Variants in ZBTB8OS observed in about 807,000 individuals in gnomAD.
The protein encoded by ZBTB8OS is tRNA-splicing ligase-activating factor archease.
ZBTB8OS carries 16 observed loss-of-function variants against 29.3 expected under a neutral mutation model. The ratio of observed to expected loss-of-function variants is 0.55; its 90% confidence interval spans 0.37 to 0.83. The LOEUF (loss-of-function observed/expected upper bound fraction) is 0.83, where lower values mean the gene tolerates loss of function less well. ZBTB8OS is among the 40% of genes least tolerant of loss of function. The pLI is 0.00. For synonymous variants in ZBTB8OS, 70 were observed against 64.6 expected, an observed-to-expected ratio of 1.08 and a Z score of -0.40; for missense variants, 160 against 196.9, an observed-to-expected ratio of 0.81 and a Z score of 1.12.
intron 1 of ZBTB8OS, among the ~76,000 whole-genome samples, chr1:32,646,274 G>A (rs189545390): frequency 1.2e-3 from 189 of 151,498 alleles, no homozygotes; most frequent in African/African-American, 4.4e-3. Flanking sequence ...AGTCAAAGTC[G>A]CACCACTGCA....
intron 1 of ZBTB8OS, among the ~76,000 whole-genome samples, chr1:32,640,994 G>A (rs1319177194): frequency 3.9e-4 from 7 of 17,730 alleles, no homozygotes; most frequent in Non-Finnish European, 9.0e-4. Context: ...GTGAAACCCT[G>A]TCTCTACTAA....
At chr1:32,640,527 T>G (rs1288602765) in intron 1 of ZBTB8OS, among the ~76,000 whole-genome samples, 6 of 152,188 alleles carry the variant, frequency 3.9e-5, no homozygotes, top group Non-Finnish European at 5.9e-5. Flanking sequence ...TTTTGTTTTC[T>G]TTTTTGAGAC....
rs998038742 is a variant in ZBTB8OS at position 32,621,204 on chromosome 1, T to C, written c.*658A>G. 6.6e-6 allele frequency: 1 copy of C among 152,148 alleles called. No homozygotes were observed. Among genetic ancestry groups the C allele is most frequent in the Admixed American group, 6.6e-5 (1 of 15,260 alleles). The allele number at this position is 152,148 out of a possible 1,614,324, so 9.4% of individuals were successfully genotyped here. On this transcript the variant is annotated 3_prime_UTR_variant, in exon 7 of 7. Coordinates refer to ENST00000468695, the MANE Select transcript of ZBTB8OS (RefSeq NM_178547.5). ...TCACAAGGTCAGGAGATCAAGACCATCCTAGCTAACACAGTGAAACCCCGT... is the reference window on the plus strand; with the variant it reads ...TCACAAGGTCAGGAGATCAAGACCACCCTAGCTAACACAGTGAAACCCCGT...
At chr1:32,634,890 C>CT in intron 1 of ZBTB8OS, 98 bp from the exon 2 acceptor site, 2 of 874,116 alleles carry the variant, frequency 2.3e-6, no homozygotes, top group Non-Finnish European at 3.9e-6. Context: ...GGAATATCAT[C>CT]TTTAAAGAGC....
In ZBTB8OS at chr1:32,621,726, C is replaced by T; in HGVS notation, c.*136G>A. ...TGATTTTCCCTTTCTGAAAGTCACA[C>T]TTTAACTAAAATATTTCTGTTCTAC... On this transcript the variant is annotated 3_prime_UTR_variant, in exon 7 of 7. Coordinates refer to ENST00000468695, the MANE Select transcript of ZBTB8OS (RefSeq NM_178547.5). The T allele has an allele frequency of 1.5e-6, 1 of 680,880 alleles. No homozygotes were observed. Among genetic ancestry groups the T allele is most frequent in the South Asian group, 1.8e-5 (1 of 55,716 alleles). 42.2% of individuals were successfully genotyped at this position (680,880 alleles called of 1,614,324 possible). A position where few individuals can be genotyped will look rare whatever the true frequency, so the allele number is the denominator to read the frequency against.
At chr1:32,638,566 C>A (rs980738306) in intron 1 of ZBTB8OS, among the ~76,000 whole-genome samples, 1 of 152,016 alleles carries the variant, frequency 6.6e-6, no homozygotes, top group Non-Finnish European at 1.5e-5. Context: ...CTGTCAATGA[C>A]CATACTGCAA....
upstream of ZBTB8OS, chr1:32,650,615 T>G (rs770443458): frequency 6.2e-7 from 1 of 1,610,614 alleles, no homozygotes; most frequent in African/African-American, 1.3e-5. Context: ...ACTCCGCCCC[T>G]TGGCGCACAC....
Position 32,621,621 on chromosome 1 carries a change from A to G in ZBTB8OS, c.*241T>C, listed in dbSNP as rs1644761787. On this transcript the variant is annotated 3_prime_UTR_variant, in exon 7 of 7. Transcript: ENST00000468695. ...ACCTACTGCCACAGCAGAGAATCAA[A>G]GGACCATAACTGTCCCTTGGGGGGT... is the stretch of plus-strand genomic sequence containing the variant. The G allele has an allele frequency of 2.2e-6, 1 of 450,592 alleles. No individual in the cohort carries two copies. The highest frequency in any genetic ancestry group is 3.9e-6 in the Non-Finnish European group (1 of 256,720). The allele number at this position is 450,592 out of a possible 1,614,324, so 27.9% of individuals were successfully genotyped here.
intron 6 of ZBTB8OS, among the ~76,000 whole-genome samples, chr1:32,623,860 C>T (rs1644911547): frequency 6.6e-6 from 1 of 152,148 alleles, no homozygotes. Context: ...GGCTGTGTCC[C>T]CACCCAAATC....
intron 1 of ZBTB8OS, among the ~76,000 whole-genome samples, chr1:32,641,274 T>G (rs999831764): frequency 6.9e-6 from 1 of 145,018 alleles, no homozygotes; most frequent in Non-Finnish European, 1.5e-5. Flanking sequence ...AGTTTTTTTT[T>G]TTTTTTTTTT....
chr1:32,650,589 A>G (rs367883262), upstream of ZBTB8OS: 18 of 1,613,238 alleles, frequency 1.1e-5, no homozygotes, highest in Non-Finnish European at 1.4e-5. Context: ...GCCCGGAGTT[A>G]CTACTTCCGC....
Position 32,621,962 on chromosome 1 carries a change from T to C in ZBTB8OS, c.418-14A>G. 1.4e-6 allele frequency: 2 copies of C among 1,465,394 alleles called. No homozygotes were observed. The highest frequency in any genetic ancestry group is 1.8e-6 in the Non-Finnish European group (2 of 1,102,692). The allele number at this position is 1,465,394 out of a possible 1,614,324, so 90.8% of individuals were successfully genotyped here. On this transcript the variant is annotated splice_polypyrimidine_tract_variant and intron_variant, in intron 6 of 6. Coordinates refer to ENST00000468695, the MANE Select transcript of ZBTB8OS (RefSeq NM_178547.5). ...GACTTCTGTTCCCTAAAGTTGGGGT[T>C]AGAGAAAAAAAAAAAAAAAAGGAAA... is the stretch of plus-strand genomic sequence containing the variant.
chr1:32,648,757 C>A (rs1433635772), intron 1 of ZBTB8OS, among the ~76,000 whole-genome samples: 1 of 150,910 alleles, frequency 6.6e-6, no homozygotes, highest in African/African-American at 2.4e-5. Context: ...CTCCCAGGTT[C>A]AAGCGATTCT....
chr1:32,647,747 C>G (rs1646966374), intron 1 of ZBTB8OS, among the ~76,000 whole-genome samples: 1 of 152,124 alleles, frequency 6.6e-6, no homozygotes, highest in South Asian at 2.1e-4. Context: ...CCAGATGGGA[C>G]CATCTAGTTA....
At chr1:32,650,590 C>T (rs766764054), upstream of ZBTB8OS, 1 of 1,613,656 alleles carries the variant, frequency 6.2e-7, no homozygotes, top group Non-Finnish European at 8.5e-7. Context: ...CCCGGAGTTA[C>T]TACTTCCGCT....
intron 5 of ZBTB8OS, chr1:32,627,937 C>T (rs904955762): frequency 5.8e-6 from 1 of 172,962 alleles, no homozygotes; most frequent in Non-Finnish European, 1.2e-5. Context: ...CCCAGCCACT[C>T]ACGAGGAGGA....
At chr1:32,632,376 TA>T (rs972792705) in intron 4 of ZBTB8OS, 3 of 152,186 alleles carry the variant, frequency 2.0e-5, no homozygotes, top group African/African-American at 4.8e-5. Flanking sequence ...AAATGTTAGC[TA>T]AAATAGGACA....
intron 1 of ZBTB8OS, 72 bp downstream of exon 1, chr1:32,650,361 A>C: frequency 6.3e-7 from 1 of 1,590,206 alleles, no homozygotes; most frequent in African/African-American, 1.3e-5. Context: ...AAAGAGCAGC[A>C]GGAAGCCGCG....
Position 32,633,743 on chromosome 1 carries a change from T to A in ZBTB8OS, c.245-16A>T. On this transcript the variant is annotated splice_polypyrimidine_tract_variant and intron_variant, in intron 3 of 6. Transcript: ENST00000468695. ...AAGTCATCTCCTACACAAGATCAAA[T>A]AGTATATTTAATAATTCTGGTCTCT... 1 of 1,564,354 alleles carries A rather than the reference T, an allele frequency of 6.4e-7. No individual in the cohort carries two copies. Among genetic ancestry groups the A allele is most frequent in the Non-Finnish European group, 8.7e-7 (1 of 1,155,124 alleles).
Sources: allele counts gnomAD v4.1 joint callset (sites outside exome capture counted in the v4.1 genomes callset), GRCh38; gene constraint gnomAD v4.1.1; transcripts MANE v1.5; gene names NCBI Gene and HGNC (gene_info 2026-07-23, HGNC 2026-07-21).